Variants in KCTD8 observed in about 807,000 individuals in gnomAD.
The protein encoded by KCTD8 is potassium channel tetramerization domain containing 8.
In KCTD8, 27 loss-of-function variants were observed where a neutral mutation model predicts 31.5. The observed-to-expected ratio is 0.86, with a 90% CI of 0.63 to 1.18. KCTD8 has a LOEUF of 1.18. Ranked by LOEUF, KCTD8 falls within the 50% of genes most tolerant of loss-of-function variation. The pLI, the probability that KCTD8 is intolerant of heterozygous loss-of-function variation, is 0.00. For synonymous variants in KCTD8, 290 were observed against 280.0 expected, an observed-to-expected ratio of 1.04 and a Z score of -0.36; for missense variants, 658 against 647.7, an observed-to-expected ratio of 1.02 and a Z score of -0.17.
chr4:44,219,543 C>T (rs1236502602), intron 1 of KCTD8, among the ~76,000 whole-genome samples: 1 of 152,138 alleles, frequency 6.6e-6, no homozygotes, highest in Non-Finnish European at 1.5e-5. Context: ...TGGAGTTATA[C>T]ACCTGAAAGT....
intron 1 of KCTD8, among the ~76,000 whole-genome samples, chr4:44,265,195 C>A (rs1377742911): frequency 2.6e-5 from 4 of 152,136 alleles, no homozygotes; most frequent in Non-Finnish European, 5.9e-5. Flanking sequence ...TGAGACAAAA[C>A]TTCCAGAGGA....
chr4:44,350,709 A>T (rs1161379804), intron 1 of KCTD8, among the ~76,000 whole-genome samples: 1 of 152,198 alleles, frequency 6.6e-6, no homozygotes, highest in African/African-American at 2.4e-5. Context: ...AACATTTGAT[A>T]ACCACTAATT....
intron 1 of KCTD8, among the ~76,000 whole-genome samples, chr4:44,257,899 T>G (rs79127360): frequency 3.3e-5 from 5 of 151,982 alleles, no homozygotes; most frequent in African/African-American, 1.2e-4. Flanking sequence ...AATATAAGAT[T>G]GAAGTACCTA....
Position 44,448,626 on chromosome 4 carries a change from G to A in KCTD8, c.-103C>T. On this transcript the variant is annotated 5_prime_UTR_variant, in exon 1 of 2. Transcript: ENST00000360029. This position sits in a 1 kb window ranked among gnomAD's most constrained non-coding sequence, Gnocchi z 4.1. ...GTGCTCCTGGCGCTCTGCGCCCTCG[G>A]ACTGGGCGGCGCGTTCCTCCGACCG... 3 of 1,228,536 alleles carry A rather than the reference G, an allele frequency of 2.4e-6. No individual in the cohort carries two copies. The highest frequency in any genetic ancestry group is 3.1e-5 in the East Asian group (1 of 31,828). 76.1% of individuals were successfully genotyped at this position (1,228,536 alleles called of 1,614,324 possible). A position where few individuals can be genotyped will look rare whatever the true frequency, so the allele number is the denominator to read the frequency against.
chr4:44,355,227 A>AT (rs575502747), intron 1 of KCTD8, among the ~76,000 whole-genome samples: 2 of 152,096 alleles, frequency 1.3e-5, no homozygotes, highest in Non-Finnish European at 1.5e-5. Context: ...TCAAAACATG[A>AT]TTTTTTTCTG....
At chr4:44,205,556 CT>C (rs781672814) in intron 1 of KCTD8, among the ~76,000 whole-genome samples, 3 of 152,070 alleles carry the variant, frequency 2.0e-5, no homozygotes, top group Non-Finnish European at 4.4e-5. Context: ...AATTTTTTTG[CT>C]GTTTAATACA....
At chr4:44,410,726 T>TA (rs1720933399) in intron 1 of KCTD8, among the ~76,000 whole-genome samples, 1 of 152,074 alleles carries the variant, frequency 6.6e-6, no homozygotes, top group Non-Finnish European at 1.5e-5. Context: ...CTCCCCCTTA[T>TA]AATAACTATC....
chr4:44,405,553 C>T (rs569948135), intron 1 of KCTD8, among the ~76,000 whole-genome samples: 92 of 152,168 alleles, frequency 6.0e-4, no homozygotes, highest in African/African-American at 2.1e-3. Context: ...CAGGCGTGAG[C>T]CACCGCACCC....
intron 1 of KCTD8, among the ~76,000 whole-genome samples, chr4:44,372,056 A>G (rs1468045157): frequency 6.6e-6 from 1 of 152,202 alleles, no homozygotes; most frequent in Non-Finnish European, 1.5e-5. Flanking sequence ...GAAGCAATGC[A>G]TCTGCTTTTT....
chr4:44,184,979 A>G (rs1477878252), intron 1 of KCTD8, among the ~76,000 whole-genome samples: 2 of 152,258 alleles, frequency 1.3e-5, no homozygotes, highest in Non-Finnish European at 2.9e-5. Context: ...AGTAATGTGC[A>G]TAAGCAAATG....
At chr4:44,176,340 A>G (rs1009426959) in intron 1 of KCTD8, among the ~76,000 whole-genome samples, 1 of 152,170 alleles carries the variant, frequency 6.6e-6, no homozygotes, top group African/African-American at 2.4e-5. Context: ...GGAATCACCT[A>G]CAAAGCTTCA....
At chr4:44,299,229 G>T (rs1371137817) in intron 1 of KCTD8, among the ~76,000 whole-genome samples, 1 of 152,072 alleles carries the variant, frequency 6.6e-6, no homozygotes, top group Non-Finnish European at 1.5e-5. Context: ...AATCTCATTT[G>T]TTTGTAAGGG....
In KCTD8 at chr4:44,448,185, C is replaced by G. The variant is rs1248785567; in HGVS notation, c.339G>C (p.Leu113=). The part of the protein sequence containing the change: ...GFLFRYVLDY[L]RDKQLALPEH... Reference sequence around the variant, plus strand: ...CCGGCAGCGCGAGTTGCTTGTCCCGCAGATAATCCAGCACGTACCTGAAAA... The same window carrying G: ...CCGGCAGCGCGAGTTGCTTGTCCCGGAGATAATCCAGCACGTACCTGAAAA... Residue 113 remains leucine (L), a synonymous_variant, in exon 1 of 2, where the codon CTG becomes CTC. Coordinates refer to ENST00000360029, the MANE Select transcript of KCTD8 (RefSeq NM_198353.3). The surrounding 1 kb of genome is among the most constrained non-coding windows in gnomAD (Gnocchi z 4.1). The G allele has an allele frequency of 6.2e-7, 1 of 1,612,494 alleles. No individual in the cohort carries two copies. The highest frequency in any genetic ancestry group is 1.7e-5 in the Admixed American group (1 of 59,988).
At chr4:44,230,466 C>A (rs1167873008) in intron 1 of KCTD8, among the ~76,000 whole-genome samples, 1 of 152,102 alleles carries the variant, frequency 6.6e-6, no homozygotes, top group African/African-American at 2.4e-5. Flanking sequence ...CATGATTGTG[C>A]ATCATATAGT....
intron 1 of KCTD8, among the ~76,000 whole-genome samples, chr4:44,325,555 G>A (rs1186311514): frequency 2.0e-5 from 3 of 151,882 alleles, no homozygotes; most frequent in Non-Finnish European, 4.4e-5. Flanking sequence ...CATAATCCAT[G>A]CTGTGCTTAT....
chr4:44,447,390 A>G (rs1207231459), intron 1 of KCTD8, among the ~76,000 whole-genome samples, 173 bp downstream of exon 1: 1 of 152,212 alleles, frequency 6.6e-6, no homozygotes, highest in East Asian at 1.9e-4. Flanking sequence ...CGAATCGGTG[A>G]AATGTAAATC....
intron 1 of KCTD8, among the ~76,000 whole-genome samples, chr4:44,229,822 TTTTC>T (rs1715070201): frequency 7.0e-6 from 1 of 141,918 alleles, no homozygotes; most frequent in Non-Finnish European, 1.6e-5. Context: ...AAGGATTTTT[TTTTC>T]TTTTTCTTTT....
chr4:44,248,761 TG>T (rs1715739023), intron 1 of KCTD8, among the ~76,000 whole-genome samples: 1 of 151,874 alleles, frequency 6.6e-6, no homozygotes, highest in African/African-American at 2.4e-5. Flanking sequence ...TTTGGGATGA[TG>T]ACACTGAGAG....
intron 1 of KCTD8, among the ~76,000 whole-genome samples, chr4:44,444,196 T>C (rs1721883109): frequency 6.6e-6 from 1 of 152,228 alleles, no homozygotes; most frequent in Non-Finnish European, 1.5e-5. Flanking sequence ...GATATGAATC[T>C]AGCTCAATAT....
Sources: allele counts gnomAD v4.1 joint callset (sites outside exome capture counted in the v4.1 genomes callset), GRCh38; gene constraint gnomAD v4.1.1; non-coding constraint Gnocchi (gnomAD v3.1); transcripts MANE v1.5; gene names NCBI Gene and HGNC (gene_info 2026-07-23, HGNC 2026-07-21).